CACNA2D3: variants seen among roughly 807,000 people sequenced by gnomAD.
CACNA2D3 encodes the protein voltage-dependent calcium channel subunit alpha-2/delta-3.
A neutral mutation model predicts 160.6 loss-of-function variants in CACNA2D3; 60 were observed. The ratio of observed to expected loss-of-function variants is 0.37; its 90% CI spans 0.30 to 0.46. CACNA2D3 has a LOEUF of 0.46. Among genes scored for constraint, CACNA2D3 ranks in the 20% least tolerant of loss-of-function variants. The pLI is 1.00. For synonymous variants in CACNA2D3, 558 were observed against 492.9 expected (o/e 1.13, Z -1.75); for missense variants, 1,205 against 1,365.0 (o/e 0.88, Z 1.85).
At chr3:54,191,378 CT>C (rs1309943910) in intron 2 of CACNA2D3, among the ~76,000 whole-genome samples, 9 of 142,426 alleles carry the variant, frequency 6.3e-5, no homozygotes, top group African/African-American at 1.6e-4. Context: ...GTTCTAATGC[CT>C]TTTCTTTTAA....
intron 4 of CACNA2D3, among the ~76,000 whole-genome samples, chr3:54,406,959 G>T (rs749011620): frequency 1.1e-4 from 17 of 152,264 alleles, no homozygotes; most frequent in Non-Finnish European, 2.1e-4. Context: ...AAAAAGGACA[G>T]TGGAACAGCA....
At chr3:54,893,761 T>C (rs528340970) in intron 25 of CACNA2D3, among the ~76,000 whole-genome samples, 1 of 148,106 alleles carries the variant, frequency 6.8e-6, no homozygotes, top group East Asian at 1.9e-4. Context: ...ATACTGAAAC[T>C]TGGCCGTCAC....
intron 4 of CACNA2D3, among the ~76,000 whole-genome samples, chr3:54,502,097 A>G (rs1279952644): frequency 1.3e-5 from 2 of 152,150 alleles, no homozygotes; most frequent in African/African-American, 4.8e-5. Flanking sequence ...TTTGAATATG[A>G]TATGTGTAGA....
chr3:54,848,242 G>C (rs1698977637), intron 17 of CACNA2D3, among the ~76,000 whole-genome samples: 1 of 152,232 alleles, frequency 6.6e-6, no homozygotes, highest in South Asian at 2.1e-4. Flanking sequence ...TGAGAGGGCA[G>C]CTGAAAGGCT....
At chr3:54,787,346 T>TA (rs911146148) in intron 13 of CACNA2D3, among the ~76,000 whole-genome samples, 15 of 152,184 alleles carry the variant, frequency 9.9e-5, no homozygotes, top group Admixed American at 1.3e-4. Context: ...TAGGATTTTT[T>TA]AAAAAAATCT....
chr3:54,777,620 C>A (rs1702448649), intron 13 of CACNA2D3, among the ~76,000 whole-genome samples: 1 of 152,166 alleles, frequency 6.6e-6, no homozygotes, highest in African/African-American at 2.4e-5. Flanking sequence ...TCATTGATTT[C>A]TCTTCTGAAG....
intron 11 of CACNA2D3, among the ~76,000 whole-genome samples, chr3:54,695,252 A>T (rs1700643765): frequency 6.6e-6 from 1 of 152,158 alleles, no homozygotes; most frequent in South Asian, 2.1e-4. Context: ...TCCTGACCTC[A>T]GGCGATCCAC....
chr3:55,006,414 C>T lies in CACNA2D3; in HGVS notation c.2767-1376C>T, dbSNP rs1265934975. ...TCTCTCCTTCCCCTGACCCACATTA[C>T]CCACCCAGCAGATACAAAGACACAA... On this transcript the variant is annotated intron_variant, in intron 32 of 37. Coordinates refer to ENST00000474759, the MANE Select transcript of CACNA2D3 (RefSeq NM_018398.3). Among the ~76,000 whole-genome samples the T allele has an allele frequency of 6.6e-5, 10 of 152,286 alleles. No individual in the cohort carries two copies. The East Asian group carries it at 1.9e-3, about 29-fold the overall frequency.
At chr3:54,187,591 G>A (rs1700899653) in intron 2 of CACNA2D3, among the ~76,000 whole-genome samples, 1 of 152,078 alleles carries the variant, frequency 6.6e-6, no homozygotes, top group African/African-American at 2.4e-5. Flanking sequence ...GGCTTCCCGG[G>A]TGAGCTCATG....
chr3:54,248,341 C>G (rs1329023072), intron 2 of CACNA2D3, among the ~76,000 whole-genome samples: 1 of 151,804 alleles, frequency 6.6e-6, no homozygotes, highest in Non-Finnish European at 1.5e-5. Context: ...ATTAGCCGGG[C>G]ATGGTGGCAT....
chr3:54,461,045 T>C (rs1700494704), intron 4 of CACNA2D3, among the ~76,000 whole-genome samples: 1 of 152,134 alleles, frequency 6.6e-6, no homozygotes, highest in Non-Finnish European at 1.5e-5. Flanking sequence ...ATGTTGTTTT[T>C]GTCTTTGGTT....
chr3:54,412,340 T>C (rs1699680182), intron 4 of CACNA2D3, among the ~76,000 whole-genome samples: 1 of 151,336 alleles, frequency 6.6e-6, no homozygotes, highest in Admixed American at 6.6e-5. Context: ...GGTATTAAAG[T>C]CTTCAAATAT....
intron 2 of CACNA2D3, among the ~76,000 whole-genome samples, chr3:54,300,829 A>G (rs1291456668): frequency 4.6e-5 from 7 of 152,120 alleles, no homozygotes; most frequent in Non-Finnish European, 1.0e-4. Flanking sequence ...AGCCTGGGCA[A>G]CAAAGCGAGA....
chr3:54,930,146 T>C (rs1303743770), intron 27 of CACNA2D3, among the ~76,000 whole-genome samples: 1 of 152,162 alleles, frequency 6.6e-6, no homozygotes, highest in Admixed American at 6.5e-5. Context: ...CAAAAACAGG[T>C]AGAGGCATAG....
chr3:54,990,853 G>A (rs1702723111), intron 31 of CACNA2D3, among the ~76,000 whole-genome samples: 1 of 152,192 alleles, frequency 6.6e-6, no homozygotes, highest in Non-Finnish European at 1.5e-5. Context: ...ACTGATTTAT[G>A]TGAACAAATT....
intron 5 of CACNA2D3, among the ~76,000 whole-genome samples, chr3:54,505,954 T>A (rs1009758395): frequency 5.3e-5 from 8 of 152,186 alleles, no homozygotes; most frequent in African/African-American, 1.9e-4. Flanking sequence ...CTAATGATAT[T>A]CAAAGTCATC....
In CACNA2D3 at chr3:54,551,124, C is replaced by G. The variant is rs187706571; in HGVS notation, c.545-11676C>G. 9.1e-4 allele frequency among the ~76,000 whole-genome samples: 139 copies of G among 152,314 alleles called. 2 individuals are homozygous for G. Among genetic ancestry groups the G allele is most frequent in the Admixed American group, 8.2e-3 (126 of 15,296 alleles). On this transcript the variant is annotated intron_variant, in intron 5 of 37. Transcript: ENST00000474759. ...AAGCCCTACTTGGTTCCCCCTGTCC[C>G]CATTTCTCACCCCAGCCTCCTTTTT...
chr3:54,302,069 G>A (rs1293940752), intron 2 of CACNA2D3, among the ~76,000 whole-genome samples: 1 of 152,198 alleles, frequency 6.6e-6, no homozygotes, highest in African/African-American at 2.4e-5. Context: ...TCTAGCATCT[G>A]TAAGTTAGCA....
At chr3:54,911,475 T>A (rs940901509) in intron 27 of CACNA2D3, among the ~76,000 whole-genome samples, 1 of 149,276 alleles carries the variant, frequency 6.7e-6, no homozygotes, top group Admixed American at 6.8e-5. Flanking sequence ...ACTACAGGCA[T>A]GTACCCCTGT....
Sources: allele counts gnomAD v4.1 joint callset (sites outside exome capture counted in the v4.1 genomes callset), GRCh38; gene constraint gnomAD v4.1.1; transcripts MANE v1.5; gene names NCBI Gene and HGNC (gene_info 2026-07-23, HGNC 2026-07-21).